The following CSMD1 variants were observed in gnomAD, a reference collection of about 807,000 sequenced individuals.
The protein encoded by CSMD1 is CUB and sushi domain-containing protein 1.
CSMD1 carries 213 observed loss-of-function variants against 417.5 expected under a neutral mutation model. The observed-to-expected ratio is 0.51, with a 90% confidence interval of 0.46 to 0.57. The LOEUF (loss-of-function observed/expected upper bound fraction) is 0.57. Among genes scored for constraint, CSMD1 ranks in the 20% least tolerant of loss-of-function variants. The pLI is 0.00. For synonymous variants in CSMD1, 2,862 were observed against 1,736.8 expected, an observed-to-expected ratio of 1.65 and a Z score of -16.11; for missense variants, 6,923 against 4,529.7, an observed-to-expected ratio of 1.53 and a Z score of -15.17.
intron 1 of CSMD1, among the ~76,000 whole-genome samples, chr8:4,909,429 G>T (rs1471654715): frequency 8.5e-5 from 13 of 152,122 alleles, no homozygotes; most frequent in Admixed American, 8.5e-4. Context: ...AGCAAGACAG[G>T]AAGGCTAAAG....
intron 25 of CSMD1, among the ~76,000 whole-genome samples, chr8:3,289,425 A>T (rs1244293528): frequency 6.8e-6 from 1 of 147,406 alleles, no homozygotes. Flanking sequence ...TGGTTGAACT[A>T]GTTTACAGTC....
At chr8:3,742,567 C>T (rs531039653) in intron 6 of CSMD1, among the ~76,000 whole-genome samples, 6 of 152,184 alleles carry the variant, frequency 3.9e-5, no homozygotes, top group African/African-American at 1.4e-4. Context: ...AAGAAAGTGA[C>T]GCATTGCCTC....
intron 5 of CSMD1, among the ~76,000 whole-genome samples, chr8:3,972,292 G>C (rs1357312544): frequency 6.6e-6 from 1 of 152,006 alleles, no homozygotes. Context: ...GATACATAAG[G>C]TACCAACACA....
chr8:4,524,614 C>T (rs1226570562), intron 2 of CSMD1, among the ~76,000 whole-genome samples: 2 of 146,698 alleles, frequency 1.4e-5, no homozygotes, highest in Non-Finnish European at 3.0e-5. Flanking sequence ...TTCAGTGCCA[C>T]CTAGTGAAGT....
At chr8:3,503,718 G>C (rs901652840) in intron 10 of CSMD1, among the ~76,000 whole-genome samples, 1 of 152,166 alleles carries the variant, frequency 6.6e-6, no homozygotes, top group Non-Finnish European at 1.5e-5. Flanking sequence ...CACTGGAAAG[G>C]ATTCCTGAGA....
chr8:4,287,603 T>G (rs1286017898), intron 3 of CSMD1, among the ~76,000 whole-genome samples: 1 of 151,976 alleles, frequency 6.6e-6, no homozygotes, highest in East Asian at 1.9e-4. Flanking sequence ...GGGACCAGGT[T>G]AAGTACTTTA....
At chr8:3,235,451 C>T (rs557554747) in intron 26 of CSMD1, among the ~76,000 whole-genome samples, 20 of 152,242 alleles carry the variant, frequency 1.3e-4, no homozygotes, top group African/African-American at 4.8e-4. Context: ...GAACACTTTT[C>T]TGGGAGTTAA....
intron 4 of CSMD1, among the ~76,000 whole-genome samples, chr8:3,999,921 A>T (rs781307971): frequency 2.0e-5 from 3 of 152,210 alleles, no homozygotes; most frequent in Non-Finnish European, 4.4e-5. Flanking sequence ...CATTTTTTAG[A>T]TCCCAAATTT....
intron 2 of CSMD1, among the ~76,000 whole-genome samples, chr8:4,447,940 A>C (rs532201058): frequency 6.6e-6 from 1 of 152,022 alleles, no homozygotes; most frequent in African/African-American, 2.4e-5. Context: ...CACACTCACC[A>C]TATTTTTTAA....
At chr8:3,204,547 G>T (rs753813448) in intron 31 of CSMD1, among the ~76,000 whole-genome samples, 11 of 152,152 alleles carry the variant, frequency 7.2e-5, no homozygotes, top group Non-Finnish European at 1.3e-4. Flanking sequence ...GGAACAGCAA[G>T]GTTTGGGGAG....
At chr8:4,354,917 TTGAG>T (rs1449136155) in intron 3 of CSMD1, among the ~76,000 whole-genome samples, 1 of 139,848 alleles carries the variant, frequency 7.2e-6, no homozygotes, top group African/African-American at 2.6e-5. Context: ...TGTTAAATAT[TTGAG>T]TATTTTCAGG....
In CSMD1 at chr8:4,159,983, T is replaced by C. The variant is rs563086804; in HGVS notation, c.416-127884A>G. ...GAGGGATAAAAGACTACCAATTGGG[T>C]TCAATGTATAATGCTCTGGTGATGG... On this transcript the variant is annotated intron_variant, in intron 3 of 69. Transcript: ENST00000635120. Among the ~76,000 whole-genome samples the C allele has an allele frequency of 6.6e-5, 10 of 151,992 alleles. No homozygotes were observed. In the East Asian group the frequency reaches 1.9e-3, roughly 30 times the overall value.
chr8:4,841,303 A>T (rs904551619), intron 1 of CSMD1, among the ~76,000 whole-genome samples: 11 of 152,234 alleles, frequency 7.2e-5, no homozygotes, highest in African/African-American at 2.4e-4. Flanking sequence ...TTTTAAACAT[A>T]TTGAAAACAA....
At chr8:4,445,082 C>G (rs190731029) in intron 2 of CSMD1, among the ~76,000 whole-genome samples, 7 of 152,300 alleles carry the variant, frequency 4.6e-5, no homozygotes, top group South Asian at 2.1e-4. Flanking sequence ...ACATGTTTAA[C>G]ATGTTACTTC....
intron 13 of CSMD1, among the ~76,000 whole-genome samples, chr8:3,408,764 T>G (rs1812506913): frequency 6.6e-6 from 1 of 152,158 alleles, no homozygotes; most frequent in Middle Eastern, 3.4e-3. Context: ...TTTGAAAAAT[T>G]TACTTTTAAG....
intron 26 of CSMD1, among the ~76,000 whole-genome samples, chr8:3,259,307 T>C (rs892254638): frequency 6.6e-6 from 1 of 152,176 alleles, no homozygotes; most frequent in African/African-American, 2.4e-5. Flanking sequence ...GATTTCTAGT[T>C]AGCATGTGAG....
chr8:3,669,230 G>C (rs532533249), intron 7 of CSMD1, among the ~76,000 whole-genome samples: 2 of 152,250 alleles, frequency 1.3e-5, no homozygotes, highest in South Asian at 4.1e-4. Context: ...CACTAAATAA[G>C]GTAGCACACT....
At chr8:4,773,954 T>C (rs571597527) in intron 1 of CSMD1, among the ~76,000 whole-genome samples, 7 of 152,304 alleles carry the variant, frequency 4.6e-5, no homozygotes, top group Non-Finnish European at 7.3e-5. Flanking sequence ...TCAGCACTTT[T>C]TGAGGCAGAG....
chr8:4,836,983 G>C (rs1800532965), intron 1 of CSMD1, among the ~76,000 whole-genome samples: 2 of 151,816 alleles, frequency 1.3e-5, no homozygotes, highest in South Asian at 4.2e-4. Flanking sequence ...GCCTTTTTTT[G>C]TTGTTAAGAG....
Sources: allele counts gnomAD v4.1 joint callset (sites outside exome capture counted in the v4.1 genomes callset), GRCh38; gene constraint gnomAD v4.1.1; transcripts MANE v1.5; gene names NCBI Gene and HGNC (gene_info 2026-07-23, HGNC 2026-07-21).